Variants in LRRC8A observed in about 807,000 individuals in gnomAD.
The protein encoded by LRRC8A is leucine rich repeat containing 8 VRAC subunit A.
Under a neutral mutation model 52.5 loss-of-function variants are expected in LRRC8A, and 24 were observed. The observed-to-expected ratio is 0.46, with a 90% confidence interval of 0.33 to 0.64. The LOEUF is 0.64. Ranked by LOEUF, LRRC8A falls within the 30% of genes least tolerant of loss-of-function variation. LRRC8A has a pLI of 0.02. For synonymous variants in LRRC8A, 492 were observed against 494.2 expected, an observed-to-expected ratio of 1.00 and a Z score of 0.06; for missense variants, 677 against 1,094.7, an observed-to-expected ratio of 0.62 and a Z score of 5.38.
intron 3 of LRRC8A, 105 bp from the exon 4 acceptor site, chr9:128,915,991 G>C (rs910713857): frequency 4.4e-6 from 6 of 1,372,302 alleles, no homozygotes; most frequent in Non-Finnish European, 6.0e-6. Flanking sequence ...GGGGCCTGGG[G>C]ATCAGAAAAG....
chr9:128,911,110 A>C lies in LRRC8A; in HGVS notation c.2157+1789A>C, dbSNP rs1840504732. ...CGGTCTGTCTATAGTATCCTCAGGCACGGAGGGAGGTGGCCCCTGGAATGC... is the reference window on the plus strand; with the variant it reads ...CGGTCTGTCTATAGTATCCTCAGGCCCGGAGGGAGGTGGCCCCTGGAATGC... On this transcript the variant is annotated intron_variant, in intron 3 of 3. Transcript: ENST00000372600. The surrounding 1 kb of genome is among the most constrained non-coding windows in gnomAD (Gnocchi z 4.9). 6.6e-6 allele frequency among the ~76,000 whole-genome samples: 1 copy of C among 151,888 alleles called. No homozygotes were observed. The highest frequency in any genetic ancestry group is 1.5e-5 in the Non-Finnish European group (1 of 67,938).
intron 2 of LRRC8A, among the ~76,000 whole-genome samples, chr9:128,901,994 TG>T (rs1214761357): frequency 6.6e-5 from 10 of 152,228 alleles, no homozygotes; most frequent in South Asian, 4.1e-4. Context: ...CGGGTGCAGC[TG>T]GGGGTGACCC....
At chr9:128,896,204 G>A (rs930010906) in intron 2 of LRRC8A, among the ~76,000 whole-genome samples, 18 of 152,124 alleles carry the variant, frequency 1.2e-4, no homozygotes, top group Non-Finnish European at 4.4e-5. Context: ...TTGTTTTTTG[G>A]ATCAACATTG....
chr9:128,889,543 T>A (rs1451324145), intron 2 of LRRC8A, among the ~76,000 whole-genome samples: 1 of 151,922 alleles, frequency 6.6e-6, no homozygotes, highest in Non-Finnish European at 1.5e-5. Flanking sequence ...TCACCCAGGC[T>A]GGAGTGCAGT....
chr9:128,895,079 A>G (rs1161879966), intron 2 of LRRC8A, among the ~76,000 whole-genome samples: 6 of 152,124 alleles, frequency 3.9e-5, no homozygotes, highest in Non-Finnish European at 8.8e-5. Flanking sequence ...AGTGAAATCA[A>G]AGTATTTGCC....
intron 1 of LRRC8A, chr9:128,882,792 A>G (rs1839143199): frequency 5.0e-6 from 2 of 398,306 alleles, no homozygotes; most frequent in Non-Finnish European, 4.4e-6. Context: ...CTGGGATGGG[A>G]TATTTGGGAA....
At chr9:128,895,656 A>G (rs1252118026) in intron 2 of LRRC8A, among the ~76,000 whole-genome samples, 1 of 152,124 alleles carries the variant, frequency 6.6e-6, no homozygotes, top group Non-Finnish European at 1.5e-5. Flanking sequence ...CCACTTCTAC[A>G]TCTCCCTGGG....
rs987240848 is a variant in LRRC8A, at chr9:128,911,542, C to A, written c.2157+2221C>A. On this transcript the variant is annotated intron_variant, in intron 3 of 3. Transcript: ENST00000372600. The surrounding 1 kb of genome is among the most constrained non-coding windows in gnomAD (Gnocchi z 4.9). ...GCTGCCCTTGATAAGCTGGGACTTC[C>A]TCACAGCTCCTGCCATTCCTGCCCT... 6.6e-6 allele frequency among the ~76,000 whole-genome samples: 1 copy of A among 152,124 alleles called. No individual in the cohort carries two copies. The highest frequency in any genetic ancestry group is 1.5e-5 in the Non-Finnish European group (1 of 68,022).
intron 3 of LRRC8A, among the ~76,000 whole-genome samples, chr9:128,912,430 A>T (rs966005761): frequency 9.2e-6 from 1 of 108,304 alleles, no homozygotes; most frequent in Admixed American, 1.3e-4. Context: ...ACAGTCCAGG[A>T]GGTTCTGGTG....
chr9:128,897,650 T>C (rs1839868969), intron 2 of LRRC8A, among the ~76,000 whole-genome samples: 1 of 152,050 alleles, frequency 6.6e-6, no homozygotes. Context: ...GTTCAAGTGA[T>C]TGTCCTGCCT....
chr9:128,896,384 G>A (rs1013777619), intron 2 of LRRC8A, among the ~76,000 whole-genome samples: 1 of 152,194 alleles, frequency 6.6e-6, no homozygotes, highest in African/African-American at 2.4e-5. Context: ...GAGCATCCTT[G>A]TGTGTGGTTT....
intron 2 of LRRC8A, among the ~76,000 whole-genome samples, chr9:128,891,697 T>C (rs886877961): frequency 1.3e-5 from 2 of 152,156 alleles, no homozygotes; most frequent in Non-Finnish European, 2.9e-5. Context: ...ACCAGAGGCA[T>C]CTGAGTATGG....
rs770519707 is a variant in LRRC8A at position 128,916,522 on chromosome 9, C to T, written c.*151C>T. On this transcript the variant is annotated 3_prime_UTR_variant, in exon 4 of 4. Transcript: ENST00000372600. The surrounding 1 kb of genome is among the most constrained non-coding windows in gnomAD (Gnocchi z 6.1). The stretch of plus-strand genomic sequence containing the variant: ...GGGCCGCTTGTGAGTCAGGCCAGAG[C>T]GAGAGGACAGTATCTGTGGGGCTGG... 9.2e-5 allele frequency: 88 copies of T among 961,716 alleles called. No homozygotes were observed. Among genetic ancestry groups the T allele is most frequent in the Non-Finnish European group, 1.2e-4 (83 of 666,986 alleles). The allele number at this position is 961,716 out of a possible 1,614,324, so 59.6% of individuals were successfully genotyped here. A position where few individuals can be genotyped will look rare whatever the true frequency, so the allele number is the denominator to read the frequency against.
chr9:128,904,061 G>C (rs1840139806), intron 2 of LRRC8A, among the ~76,000 whole-genome samples: 1 of 151,558 alleles, frequency 6.6e-6, no homozygotes. Context: ...TACTATTCTG[G>C]TTATTAACAT....
At chr9:128,914,280 C>T (rs997213592) in intron 3 of LRRC8A, among the ~76,000 whole-genome samples, 18 of 150,492 alleles carry the variant, frequency 1.2e-4, no homozygotes, top group African/African-American at 2.4e-4. Context: ...GGGAAAGCCA[C>T]GTTGCTCCCC....
chr9:128,890,484 C>T (rs1839572577), intron 2 of LRRC8A, among the ~76,000 whole-genome samples: 1 of 152,210 alleles, frequency 6.6e-6, no homozygotes, highest in Non-Finnish European at 1.5e-5. Context: ...AAACCTGCGC[C>T]CTCTGACGGG....
chr9:128,908,079 C>T lies in LRRC8A; in HGVS notation c.915C>T (p.Tyr305=). Residue 305 remains tyrosine (Y), a synonymous_variant, in exon 3 of 4, where the codon TAC becomes TAT. Transcript: ENST00000372600. ...CTVDIESLTG[Y]RTYRCAHPLA... is the part of the protein sequence containing the mutation. ...TGGACATTGAGAGCCTGACGGGCTACCGCACCTACCGCTGTGCCCACCCCC... is the reference window on the plus strand; with the variant it reads ...TGGACATTGAGAGCCTGACGGGCTATCGCACCTACCGCTGTGCCCACCCCC... The T allele has an allele frequency of 6.2e-7, 1 of 1,614,064 alleles. No homozygotes were observed. Among genetic ancestry groups the T allele is most frequent in the Non-Finnish European group, 8.5e-7 (1 of 1,180,038 alleles).
intron 2 of LRRC8A, among the ~76,000 whole-genome samples, chr9:128,905,711 G>C (rs1268881038): frequency 6.6e-6 from 1 of 152,146 alleles, no homozygotes; most frequent in Non-Finnish European, 1.5e-5. Context: ...GGGCATGGTG[G>C]TGCAGGCCTG....
Position 128,916,493 on chromosome 9 carries a change from C to A in LRRC8A, c.*122C>A. ...GGACAGCCTCGTGGCTGGGCAGGAG[C>A]CTGGGGCCGCTTGTGAGTCAGGCCA... On this transcript the variant is annotated 3_prime_UTR_variant, in exon 4 of 4. Coordinates refer to ENST00000372600, the MANE Select transcript of LRRC8A (RefSeq NM_019594.4). The surrounding 1 kb of genome is among the most constrained non-coding windows in gnomAD (Gnocchi z 6.1). 7.9e-7 allele frequency: 1 copy of A among 1,267,536 alleles called. No homozygotes were observed. Among genetic ancestry groups the A allele is most frequent in the Non-Finnish European group, 1.1e-6 (1 of 941,830 alleles). The allele number at this position is 1,267,536 out of a possible 1,614,324, so 78.5% of individuals were successfully genotyped here. A position where few individuals can be genotyped will look rare whatever the true frequency, so the allele number is the denominator to read the frequency against.
Sources: allele counts gnomAD v4.1 joint callset (sites outside exome capture counted in the v4.1 genomes callset), GRCh38; gene constraint gnomAD v4.1.1; non-coding constraint Gnocchi (gnomAD v3.1); transcripts MANE v1.5; gene names NCBI Gene and HGNC (gene_info 2026-07-23, HGNC 2026-07-21).